MARCHF1: variants seen among roughly 807,000 people sequenced by gnomAD.
MARCHF1 encodes the protein membrane associated ring-CH-type finger 1.
A neutral mutation model predicts 54.2 loss-of-function variants in MARCHF1; 40 were observed. The ratio of observed to expected loss-of-function variants is 0.74; its 90% CI spans 0.57 to 0.96. The LOEUF (loss-of-function observed/expected upper bound fraction) is 0.96. Ranked by LOEUF, MARCHF1 falls within the 40% of genes least tolerant of loss-of-function variation. The pLI is 0.00. For missense variants in MARCHF1, 586 were observed against 656.5 expected (o/e 0.89, Z 1.17); for synonymous variants, 236 against 236.3 (o/e 1.00, Z 0.01).
intron 1 of MARCHF1, among the ~76,000 whole-genome samples, chr4:164,213,515 G>C (rs1731839983): frequency 1.3e-5 from 2 of 151,774 alleles, no homozygotes; most frequent in Non-Finnish European, 2.9e-5. Flanking sequence ...GATTACAGGC[G>C]TGAGCCATCA....
chr4:163,800,633 C>A (rs1349195223), intron 4 of MARCHF1, among the ~76,000 whole-genome samples: 1 of 152,040 alleles, frequency 6.6e-6, no homozygotes, highest in Non-Finnish European at 1.5e-5. Context: ...ATATATTTGA[C>A]TTCCTTTTCA....
chr4:163,582,160 A>G (rs1440149969), intron 8 of MARCHF1, among the ~76,000 whole-genome samples: 1 of 152,160 alleles, frequency 6.6e-6, no homozygotes, highest in Non-Finnish European at 1.5e-5. Flanking sequence ...GTTGATCTTG[A>G]GTGCACTTCC....
chr4:163,846,404 C>A (rs1031417443), intron 4 of MARCHF1, among the ~76,000 whole-genome samples: 1 of 152,188 alleles, frequency 6.6e-6, no homozygotes, highest in African/African-American at 2.4e-5. Flanking sequence ...GTTTGCGGGG[C>A]AATTCTGGTC....
At position 164,101,984 on chromosome 4, in the gene MARCHF1, C is replaced by T. The variant is rs1257591105; in HGVS notation, c.-248+9604G>A. ...TGAAGAATGCAGAAGCCTCAGGAGC[C>T]GATGCAATCAACTGGAAGAAAGGGT... On this transcript the variant is annotated intron_variant, in intron 2 of 9. Transcript: ENST00000514618. Among the ~76,000 whole-genome samples the T allele has an allele frequency of 9.9e-4, 128 of 129,720 alleles. 1 individual carries two copies. The highest frequency in any genetic ancestry group is 7.6e-3 in the Middle Eastern group (2 of 264). 85.1% of individuals were successfully genotyped at this position (129,720 alleles called of 152,430 possible). A position where few individuals can be genotyped will look rare whatever the true frequency, so the allele number is the denominator to read the frequency against.
chr4:163,673,044 A>G (rs949234526), intron 5 of MARCHF1, among the ~76,000 whole-genome samples: 2 of 152,096 alleles, frequency 1.3e-5, no homozygotes, highest in African/African-American at 4.8e-5. Context: ...ACATCTGCAA[A>G]TCTCTTTTGC....
intron 1 of MARCHF1, among the ~76,000 whole-genome samples, chr4:164,203,954 A>C (rs1731528274): frequency 6.6e-6 from 1 of 152,244 alleles, no homozygotes; most frequent in Non-Finnish European, 1.5e-5. Flanking sequence ...TTTAATTATA[A>C]GGAATAAAAA....
intron 5 of MARCHF1, among the ~76,000 whole-genome samples, chr4:163,692,040 G>A (rs1028236147): frequency 1.5e-4 from 23 of 152,198 alleles, no homozygotes; most frequent in African/African-American, 5.1e-4. Context: ...GGTTCCCTAC[G>A]GGATCAGGAA....
At chr4:163,728,568 G>T (rs1745736159) in intron 4 of MARCHF1, among the ~76,000 whole-genome samples, 1 of 152,056 alleles carries the variant, frequency 6.6e-6, no homozygotes, top group African/African-American at 2.4e-5. Flanking sequence ...TAATATAAAA[G>T]GTGTTGTGGT....
At chr4:164,070,196 T>C (rs1754833261) in intron 2 of MARCHF1, among the ~76,000 whole-genome samples, 1 of 152,204 alleles carries the variant, frequency 6.6e-6, no homozygotes, top group Non-Finnish European at 1.5e-5. Flanking sequence ...AATATACCCA[T>C]GCAGTGAACC....
chr4:164,006,927 C>G (rs1753300301), intron 2 of MARCHF1, among the ~76,000 whole-genome samples: 1 of 112,322 alleles, frequency 8.9e-6, no homozygotes, highest in African/African-American at 3.4e-5. Flanking sequence ...TAATCAAAAG[C>G]TGAGATAATT....
intron 1 of MARCHF1, among the ~76,000 whole-genome samples, chr4:164,316,455 G>A (rs967262795): frequency 6.6e-6 from 1 of 152,236 alleles, no homozygotes; most frequent in Non-Finnish European, 1.5e-5. Flanking sequence ...GGAAAGTTTT[G>A]TTTAGATATC....
intron 9 of MARCHF1, 96 bp downstream of exon 9, chr4:163,545,500 C>T (rs1195745159): frequency 8.5e-7 from 1 of 1,176,568 alleles, no homozygotes; most frequent in East Asian, 2.4e-5. Flanking sequence ...GTGTATCATA[C>T]ATGATGAAGG....
chr4:163,684,485 G>C (rs1409189612), intron 5 of MARCHF1, among the ~76,000 whole-genome samples: 1 of 152,168 alleles, frequency 6.6e-6, no homozygotes, highest in Non-Finnish European at 1.5e-5. Context: ...CAGATTTTGA[G>C]AGCACTACCA....
chr4:163,610,840 C>T (rs1460505706), intron 7 of MARCHF1, among the ~76,000 whole-genome samples: 1 of 152,064 alleles, frequency 6.6e-6, no homozygotes, highest in African/African-American at 2.4e-5. Flanking sequence ...TCCCCCTATT[C>T]ACCACAACCT....
intron 1 of MARCHF1, among the ~76,000 whole-genome samples, chr4:164,152,072 TA>T (rs2110911173): frequency 6.6e-6 from 1 of 152,288 alleles, no homozygotes; most frequent in African/African-American, 2.4e-5. Flanking sequence ...ATAAGAATGA[TA>T]AAATCCTTGC....
intron 1 of MARCHF1, chr4:164,197,358 A>G (rs752849788): frequency 9.3e-6 from 15 of 1,612,746 alleles, no homozygotes; most frequent in Admixed American, 1.7e-5. Context: ...TTACCTCGCA[A>G]TTGAAAAGGT....
At chr4:163,841,371 T>C (rs910549493) in intron 4 of MARCHF1, among the ~76,000 whole-genome samples, 4 of 152,000 alleles carry the variant, frequency 2.6e-5, no homozygotes, top group Non-Finnish European at 5.9e-5. Context: ...GTGTAGGGGC[T>C]GGGGTATATG....
At chr4:163,784,910 A>C (rs191703485) in intron 4 of MARCHF1, among the ~76,000 whole-genome samples, 68 of 152,174 alleles carry the variant, frequency 4.5e-4, no homozygotes, top group African/African-American at 1.4e-3. Context: ...TCTCCCAAAC[A>C]CTGTCTGAGA....
At chr4:163,726,490 A>G (rs1002139925) in intron 4 of MARCHF1, among the ~76,000 whole-genome samples, 1 of 152,088 alleles carries the variant, frequency 6.6e-6, no homozygotes, top group Admixed American at 6.5e-5. Context: ...TGGATATTCC[A>G]CACTTTTTTA....
Sources: allele counts gnomAD v4.1 joint callset (sites outside exome capture counted in the v4.1 genomes callset), GRCh38; gene constraint gnomAD v4.1.1; transcripts MANE v1.5; gene names NCBI Gene and HGNC (gene_info 2026-07-23, HGNC 2026-07-21).